Variants in VWA5A observed in about 807,000 individuals in gnomAD.
The protein encoded by VWA5A is von Willebrand factor A domain-containing protein 5A.
Under a neutral mutation model 84.6 loss-of-function variants are expected in VWA5A, and 77 were observed. That is an observed-to-expected ratio of 0.91 (90% CI 0.76 to 1.10). The LOEUF (loss-of-function observed/expected upper bound fraction) is 1.10, where lower values mean the gene tolerates loss of function less well. VWA5A is among the 50% of genes least tolerant of loss of function. The probability of loss-of-function intolerance (pLI) is 0.00; values close to 1 mark genes in which losing one functional copy is unlikely to be tolerated. For missense variants in VWA5A, 973 were observed against 963.0 expected, an observed-to-expected ratio of 1.01 and a Z score of -0.14; for synonymous variants, 334 against 350.1, an observed-to-expected ratio of 0.95 and a Z score of 0.51.
At chr11:124,138,724 C>G (rs189826849) in intron 15 of VWA5A, among the ~76,000 whole-genome samples, 1 of 152,056 alleles carries the variant, frequency 6.6e-6, no homozygotes, top group African/African-American at 2.4e-5. Context: ...ATATTTTCTC[C>G]CATTCCGTAG....
chr11:124,130,180 C>T (rs1438541688), intron 11 of VWA5A, among the ~76,000 whole-genome samples: 1 of 152,120 alleles, frequency 6.6e-6, no homozygotes, highest in Non-Finnish European at 1.5e-5. Context: ...TGCATTGTGT[C>T]TTTGTTCTCA....
Position 124,115,459 on chromosome 11 carries a change from C to G in VWA5A, c.-154C>G, listed in dbSNP as rs370285848. 1 of 152,164 alleles carries G rather than the reference C, an allele frequency of 6.6e-6. No homozygotes were observed. Among genetic ancestry groups the G allele is most frequent in the South Asian group, 2.1e-4 (1 of 4,830 alleles). 9.4% of individuals were successfully genotyped at this position (152,164 alleles called of 1,614,324 possible). ...GTTTTCACTCCGCTGTGACTCAGAG[C>G]GCTCCGGGCTGCAGGAGAGGAAGGT... On this transcript the variant is annotated 5_prime_UTR_variant, in exon 1 of 19. Coordinates refer to ENST00000456829, the MANE Select transcript of VWA5A (RefSeq NM_001130142.2).
chr11:124,124,410 A>G, intron 11 of VWA5A, 94 bp downstream of exon 11: 2 of 1,492,038 alleles, frequency 1.3e-6, no homozygotes, highest in Non-Finnish European at 1.8e-6. Flanking sequence ...TTCCTTCAAG[A>G]GGACCAAATG....
rs538495580 is a variant in VWA5A at position 124,147,418 on chromosome 11, C to G, written c.*1473C>G. ...CTAGAGGAACATCGGTGACTTTTCA[C>G]TCAGAAAGTGGGTGGACTAGGCCTG... On this transcript the variant is annotated 3_prime_UTR_variant, in exon 19 of 19. Transcript: ENST00000456829. 1 of 152,322 alleles carries G rather than the reference C, an allele frequency of 6.6e-6. No homozygotes were observed. The highest frequency in any genetic ancestry group is 2.4e-5 in the African/African-American group (1 of 41,572). The allele number at this position is 152,322 out of a possible 1,614,324, so 9.4% of individuals were successfully genotyped here. A position where few individuals can be genotyped will look rare whatever the true frequency, so the allele number is the denominator to read the frequency against.
In VWA5A at chr11:124,118,984, G is replaced by C; in HGVS notation, c.655G>C (p.Ala219Pro). Residue 219 changes from alanine to proline, a missense_variant, in exon 7 of 19, where the codon GCT (alanine) becomes CCT (proline). Coordinates refer to ENST00000456829, the MANE Select transcript of VWA5A (RefSeq NM_001130142.2). ...EDKTSAQVSL[A>P]AGHKFDRDVE... is the part of the protein sequence containing the mutation. ...CCTGTCCTCCACTCAGGTTTCCCTG[G>C]CTGCTGGACACAAGTTTGATCGGGA... 1 of 1,614,090 alleles carries C rather than the reference G, an allele frequency of 6.2e-7. No homozygotes were observed. The highest frequency in any genetic ancestry group is 8.5e-7 in the Non-Finnish European group (1 of 1,180,012).
chr11:124,136,403 A>G (rs1047168465), intron 13 of VWA5A, 110 bp downstream of exon 13: 11 of 1,485,242 alleles, frequency 7.4e-6, no homozygotes, highest in Middle Eastern at 2.3e-4. Flanking sequence ...CTTGCCAAGT[A>G]TAGCTAGCCT....
intron 7 of VWA5A, among the ~76,000 whole-genome samples, chr11:124,119,339 A>G (rs3819080): frequency 6.6e-6 from 1 of 152,160 alleles, no homozygotes; most frequent in East Asian, 1.9e-4. Context: ...TTTACAAGAG[A>G]AAACATGGCC....
chr11:124,132,949 A>G (rs569459402), intron 11 of VWA5A, among the ~76,000 whole-genome samples: 2 of 152,342 alleles, frequency 1.3e-5, no homozygotes, highest in African/African-American at 2.4e-5. Context: ...TGCCATTGTC[A>G]TCCACTTAAT....
intron 15 of VWA5A, among the ~76,000 whole-genome samples, chr11:124,139,319 G>T (rs150065223): frequency 2.7e-5 from 4 of 149,930 alleles, no homozygotes; most frequent in Admixed American, 6.6e-5. Flanking sequence ...ATTTTTTAAT[G>T]CTGTGAAGGT....
intron 11 of VWA5A, chr11:124,124,588 A>T: frequency 3.5e-6 from 4 of 1,151,700 alleles, no homozygotes; most frequent in Non-Finnish European, 4.3e-6. Context: ...TTTACTATAA[A>T]CATTTTTAGA....
chr11:124,145,215 G>T (rs1454706654), intron 17 of VWA5A, 22 bp from the exon 18 acceptor site: 1 of 1,595,136 alleles, frequency 6.3e-7, no homozygotes, highest in Non-Finnish European at 8.5e-7. Context: ...GTGCCAACTG[G>T]AGCTCTCTAT....
rs1591368942 is a variant in VWA5A at position 124,146,098 on chromosome 11, A to G, written c.*153A>G. On this transcript the variant is annotated 3_prime_UTR_variant, in exon 19 of 19. Coordinates refer to ENST00000456829, the MANE Select transcript of VWA5A (RefSeq NM_001130142.2). ...TTACTCCACTTCGCTTCTCTGCTCC[A>G]GGTTCACTTTGGATATGATCTTTCT... 3 of 730,782 alleles carry G rather than the reference A, an allele frequency of 4.1e-6. No homozygotes were observed. In the East Asian group the frequency reaches 9.1e-5, roughly 22 times the overall value. 45.3% of individuals were successfully genotyped at this position (730,782 alleles called of 1,614,324 possible). A position where few individuals can be genotyped will look rare whatever the true frequency, so the allele number is the denominator to read the frequency against.
intron 15 of VWA5A, among the ~76,000 whole-genome samples, chr11:124,140,710 C>G (rs1283695894): frequency 6.6e-6 from 1 of 152,044 alleles, no homozygotes; most frequent in Non-Finnish European, 1.5e-5. Flanking sequence ...CTTGCGTGAT[C>G]CTTCTGCCTG....
chr11:124,120,560 A>T (rs1181204939), intron 7 of VWA5A, among the ~76,000 whole-genome samples: 2 of 152,158 alleles, frequency 1.3e-5, no homozygotes, highest in South Asian at 4.1e-4. Context: ...TGAGCTCACA[A>T]ATTGAACTTT....
chr11:124,124,637 T>C, intron 11 of VWA5A: 2 of 946,110 alleles, frequency 2.1e-6, no homozygotes, highest in Non-Finnish European at 2.6e-6. Flanking sequence ...ATTATAAGCA[T>C]ACAACTGGAC....
At chr11:124,116,437 T>G (rs1864831169) in intron 1 of VWA5A, 129 bp from the exon 2 acceptor site, 1 of 152,274 alleles carries the variant, frequency 6.6e-6, no homozygotes, top group Admixed American at 6.5e-5. Flanking sequence ...CTCTCTCTCT[T>G]TTACTCTAGC....
At chr11:124,140,164 A>G (rs146706909) in intron 15 of VWA5A, among the ~76,000 whole-genome samples, 60 of 152,312 alleles carry the variant, frequency 3.9e-4, no homozygotes, top group African/African-American at 1.3e-3. Flanking sequence ...TGATCATTTT[A>G]ACGTACTTCT....
chr11:124,137,070 C>A lies in VWA5A; in HGVS notation c.1681C>A (p.Leu561Ile), dbSNP rs753342600. 6.2e-7 allele frequency: 1 copy of A among 1,613,492 alleles called. No homozygotes were observed. The highest frequency in any genetic ancestry group is 8.5e-7 in the Non-Finnish European group (1 of 1,179,878). Residue 561 changes from leucine to isoleucine, a missense_variant, in exon 15 of 19, where the codon CTC becomes ATC. By Grantham distance (5) the Leu-to-Ile change is conservative. Coordinates refer to ENST00000456829, the MANE Select transcript of VWA5A (RefSeq NM_001130142.2). ...KSLLQTKDMG[L>I]RETPASDKKD... ...CTTGCTCCAGACCAAGGACATGGGC[C>A]TCAGGGAGACTCCAGCAAGTGATAA... is the stretch of plus-strand genomic sequence containing the variant.
intron 11 of VWA5A, among the ~76,000 whole-genome samples, chr11:124,131,299 G>T (rs1865093857): frequency 6.6e-6 from 1 of 152,130 alleles, no homozygotes; most frequent in Non-Finnish European, 1.5e-5. Flanking sequence ...TTCATGTCCA[G>T]GGTGGGATTG....
Sources: gnomAD v4.1 joint callset for allele counts (sites outside exome capture counted in the v4.1 genomes callset) on GRCh38, gnomAD v4.1.1 for gene constraint, MANE v1.5 for transcripts, NCBI Gene and HGNC (gene_info 2026-07-23, HGNC 2026-07-21) for gene names.